KCTD1: variants seen among roughly 807,000 people sequenced by gnomAD.
KCTD1 encodes the protein potassium channel tetramerization domain containing 1, also known as BTB/POZ domain-containing protein KCTD1.
KCTD1 carries 24 observed loss-of-function variants against 66.0 expected under a neutral mutation model. The ratio of observed to expected loss-of-function variants is 0.36; its 90% CI spans 0.26 to 0.51. The LOEUF is 0.51. Ranked by LOEUF, KCTD1 falls within the 20% of genes least tolerant of loss-of-function variation. The pLI is 0.95. For missense variants in KCTD1, 943 were observed against 1,205.2 expected, an observed-to-expected ratio of 0.78 and a Z score of 3.22; for synonymous variants, 511 against 517.2, an observed-to-expected ratio of 0.99 and a Z score of 0.16.
intron 1 of KCTD1, among the ~76,000 whole-genome samples, chr18:26,646,143 C>G (rs923804050): frequency 6.6e-6 from 1 of 152,120 alleles, no homozygotes; most frequent in Middle Eastern, 3.2e-3. Context: ...CTAATTAATA[C>G]ATCAAGTCAA....
At chr18:26,589,255 G>A (rs12458641) in intron 1 of KCTD1, among the ~76,000 whole-genome samples, 43,927 of 152,096 alleles carry the variant, frequency 0.29, 7,159 homozygotes, top group East Asian at 0.52. Flanking sequence ...TGGACCTTGG[G>A]TTGGCCACTG....
chr18:26,574,493 G>T (rs1161979635), intron 1 of KCTD1, among the ~76,000 whole-genome samples: 3 of 152,198 alleles, frequency 2.0e-5, no homozygotes, highest in African/African-American at 7.2e-5. Context: ...GGGCTTTGAG[G>T]GCAGGCCTTT....
chr18:26,595,363 G>T (rs1357649247), intron 1 of KCTD1, among the ~76,000 whole-genome samples: 1 of 152,152 alleles, frequency 6.6e-6, no homozygotes, highest in Non-Finnish European at 1.5e-5. Context: ...TTCTTCAGTA[G>T]AAACAGAATC....
intron 1 of KCTD1, among the ~76,000 whole-genome samples, chr18:26,616,887 T>C (rs1243500706): frequency 6.6e-6 from 1 of 152,216 alleles, no homozygotes; most frequent in Non-Finnish European, 1.5e-5. Context: ...GACAGAGACC[T>C]TGCCTTTTGG....
intron 1 of KCTD1, among the ~76,000 whole-genome samples, chr18:26,621,527 G>C (rs545549074): frequency 1.3e-5 from 2 of 152,062 alleles, no homozygotes; most frequent in African/African-American, 2.4e-5. Context: ...GGCGACACTG[G>C]GGGAGAGGAG....
intron 3 of KCTD1, among the ~76,000 whole-genome samples, chr18:26,471,261 A>G (rs912688577): frequency 4.6e-5 from 7 of 151,750 alleles, no homozygotes; most frequent in Non-Finnish European, 1.0e-4. Context: ...CGCTTCTGTA[A>G]TCTATAACAC....
chr18:26,610,435 G>A (rs1987109381), intron 1 of KCTD1, among the ~76,000 whole-genome samples: 2 of 152,110 alleles, frequency 1.3e-5, no homozygotes, highest in Admixed American at 6.6e-5. Flanking sequence ...AAATTTAGCT[G>A]GGTGTGATGG....
intron 1 of KCTD1, among the ~76,000 whole-genome samples, chr18:26,537,436 G>A (rs1236214497): frequency 6.6e-6 from 1 of 152,156 alleles, no homozygotes; most frequent in Non-Finnish European, 1.5e-5. Context: ...TAAATCAGAG[G>A]TAATAAATCC....
At chr18:26,642,351 C>T (rs1987849198), upstream of KCTD1, among the ~76,000 whole-genome samples, 2 of 152,176 alleles carry the variant, frequency 1.3e-5, no homozygotes, top group African/African-American at 4.8e-5. Flanking sequence ...GAAATCGGTG[C>T]CTCTCGGGCG....
chr18:26,584,819 G>A (rs2144930765), intron 1 of KCTD1, among the ~76,000 whole-genome samples: 1 of 152,228 alleles, frequency 6.6e-6, no homozygotes. Flanking sequence ...CTGAAAATTG[G>A]CAGGAGTTAA....
chr18:26,482,131 C>G (rs1422258309), intron 2 of KCTD1, among the ~76,000 whole-genome samples: 2 of 152,160 alleles, frequency 1.3e-5, no homozygotes, highest in Non-Finnish European at 2.9e-5. Context: ...ACCATGCTGC[C>G]CCTGTGGTGA....
At chr18:26,593,507 TGAG>T (rs1338333028) in intron 1 of KCTD1, among the ~76,000 whole-genome samples, 11 of 35,676 alleles carry the variant, frequency 3.1e-4, no homozygotes, top group African/African-American at 1.3e-3. Context: ...AGGAGGAAGA[TGAG>T]GAGGAGGAAG....
chr18:26,578,074 T>C (rs1399095205), intron 1 of KCTD1, among the ~76,000 whole-genome samples: 2 of 149,152 alleles, frequency 1.3e-5, no homozygotes, highest in Non-Finnish European at 3.0e-5. Flanking sequence ...TTTTTTTTTT[T>C]TTGACAGAGT....
At chr18:26,572,749 C>T (rs1308669049) in intron 1 of KCTD1, among the ~76,000 whole-genome samples, 1 of 152,106 alleles carries the variant, frequency 6.6e-6, no homozygotes, top group Non-Finnish European at 1.5e-5. Flanking sequence ...CCCTGAGATA[C>T]TAAATAAATT....
At chr18:26,527,056 G>A (rs894700184) in intron 1 of KCTD1, among the ~76,000 whole-genome samples, 9 of 151,932 alleles carry the variant, frequency 5.9e-5, no homozygotes, top group African/African-American at 2.2e-4. Flanking sequence ...CCTCTGCCTG[G>A]GACATTATCA....
At chr18:26,631,401 C>G (rs756532729), upstream of KCTD1, among the ~76,000 whole-genome samples, 48 of 152,158 alleles carry the variant, frequency 3.2e-4, no homozygotes, top group Non-Finnish European at 6.0e-4. Flanking sequence ...CAAACCTGTA[C>G]AGCATGTTAC....
intron 1 of KCTD1, among the ~76,000 whole-genome samples, chr18:26,634,799 T>C (rs1176141791): frequency 6.6e-6 from 1 of 152,166 alleles, no homozygotes; most frequent in Non-Finnish European, 1.5e-5. Context: ...TAAAGCTTAA[T>C]TGACTTCCCC....
chr18:26,553,123 T>C (rs1378292087), upstream of KCTD1, among the ~76,000 whole-genome samples: 2 of 152,054 alleles, frequency 1.3e-5, no homozygotes, highest in Admixed American at 6.6e-5. Context: ...CCCAAGTAGC[T>C]GGGACTACAG....
At chr18:26,473,378 G>A (rs1981169745) in intron 3 of KCTD1, among the ~76,000 whole-genome samples, 1 of 151,984 alleles carries the variant, frequency 6.6e-6, no homozygotes, top group Admixed American at 6.6e-5. Context: ...ATGGACAAAG[G>A]GAGGGGAACA....
Sources: allele counts gnomAD v4.1 joint callset (sites outside exome capture counted in the v4.1 genomes callset), GRCh38; gene constraint gnomAD v4.1.1; transcripts MANE v1.5; gene names NCBI Gene and HGNC (gene_info 2026-07-23, HGNC 2026-07-21).